The following GIGYF2 variants were observed in gnomAD, a reference collection of about 807,000 sequenced individuals.
GIGYF2 encodes GRB10 interacting GYF protein 2.
A neutral mutation model predicts 208.1 loss-of-function variants in GIGYF2; 25 were observed. That is an observed-to-expected ratio of 0.12 (90% CI 0.09 to 0.17). GIGYF2 has a LOEUF of 0.17. Among genes scored for constraint, GIGYF2 ranks in the 10% least tolerant of loss-of-function variants. The probability of loss-of-function intolerance (pLI) is 1.00; values close to 1 mark genes in which losing one functional copy is unlikely to be tolerated. For missense variants in GIGYF2, 1,302 were observed against 1,579.4 expected (o/e 0.82, Z 2.98); for synonymous variants, 534 against 543.8 (o/e 0.98, Z 0.25).
Position 232,812,418 on chromosome 2 carries a change from A to G in GIGYF2, c.2034A>G (p.Ser678=), listed in dbSNP as rs375775824. ...TATCTGATCAGAACATCATTCCCTC[A>G]GTAACTAGGTCTGTGTCCGTGCCAG... ...MRISDQNIIP[S]VTRSVSVPDT... The change falls in exon 18 of 29, where the codon TCA becomes TCG. Residue 678 remains serine, a synonymous_variant. Transcript: ENST00000373563. 2 of 1,500,094 alleles carry G rather than the reference A, an allele frequency of 1.3e-6. No homozygotes were observed. Among genetic ancestry groups the G allele is most frequent in the African/African-American group, 1.4e-5 (1 of 72,554 alleles). The allele number at this position is 1,500,094 out of a possible 1,614,324, so 92.9% of individuals were successfully genotyped here.
Position 232,705,664 on chromosome 2 carries a change from C to G in GIGYF2, c.-44+2175C>G, listed in dbSNP as rs527380246. 3 of 152,408 alleles carry G rather than the reference C, an allele frequency of 2.0e-5. No homozygotes were observed. The East Asian group carries it at 5.8e-4, about 29-fold the overall frequency. The allele number at this position is 152,408 out of a possible 1,614,324, so 9.4% of individuals were successfully genotyped here. On this transcript the variant is annotated intron_variant, in intron 2 of 28. Transcript: ENST00000373563. ...AGGTTATCCGCCCGCCTTGGCCTCC[C>G]AAAGTACTGGGATTACAGGCGTGAG...
intron 2 of GIGYF2, among the ~76,000 whole-genome samples, chr2:232,721,073 G>T (rs182327529): frequency 6.6e-6 from 1 of 152,338 alleles, no homozygotes; most frequent in East Asian, 1.9e-4. Flanking sequence ...TAATAGGGTG[G>T]TCTCAGAACT....
chr2:232,781,402 T>C (rs1699720551), intron 8 of GIGYF2, among the ~76,000 whole-genome samples: 1 of 122,182 alleles, frequency 8.2e-6, no homozygotes, highest in African/African-American at 3.1e-5. Context: ...GTAATCAATT[T>C]GGTTAGAAGG....
intron 22 of GIGYF2, among the ~76,000 whole-genome samples, chr2:232,836,687 G>A (rs1701649834): frequency 6.6e-6 from 1 of 151,714 alleles, no homozygotes; most frequent in Non-Finnish European, 1.5e-5. Flanking sequence ...TTGACTCCGG[G>A]AGGATTTCTT....
intron 1 of GIGYF2, among the ~76,000 whole-genome samples, chr2:232,702,461 TC>T (rs1312276967): frequency 4.0e-5 from 6 of 151,386 alleles, no homozygotes; most frequent in Admixed American, 6.6e-5. Flanking sequence ...AAAAACTCTA[TC>T]TGTCTCTATC....
intron 28 of GIGYF2, among the ~76,000 whole-genome samples, chr2:232,851,413 A>T (rs1401071550): frequency 2.7e-5 from 4 of 149,190 alleles, no homozygotes; most frequent in Non-Finnish European, 4.5e-5. Context: ...TGAAACTAAC[A>T]TTTTTTTTTT....
chr2:232,743,992 T>G (rs994375201), intron 3 of GIGYF2, among the ~76,000 whole-genome samples: 4 of 152,070 alleles, frequency 2.6e-5, no homozygotes, highest in Non-Finnish European at 5.9e-5. Context: ...ACTACAGGCG[T>G]GCACCACCAT....
chr2:232,842,731 C>A (rs952012930), intron 23 of GIGYF2, among the ~76,000 whole-genome samples: 1 of 152,078 alleles, frequency 6.6e-6, no homozygotes, highest in African/African-American at 2.4e-5. Flanking sequence ...GGGACCTCCA[C>A]CCCCACCCCC....
rs550603821 is a variant in GIGYF2, at chr2:232,761,545, C to T, written c.532+109C>T. ...AGCATTTCCTGCATTTAAACTTCCA[C>T]GGTTATTTGAAGTCTCTACTGCATG... On this transcript the variant is annotated intron_variant, in intron 8 of 28. Coordinates refer to ENST00000373563, the MANE Select transcript of GIGYF2 (RefSeq NM_001103146.3). 7.4e-4 allele frequency: 519 copies of T among 700,056 alleles called. 1 individual carries two copies. The highest frequency in any genetic ancestry group is 5.2e-4 in the Non-Finnish European group (199 of 380,754). The allele number at this position is 700,056 out of a possible 1,614,324, so 43.4% of individuals were successfully genotyped here.
intron 3 of GIGYF2, among the ~76,000 whole-genome samples, chr2:232,740,808 C>G (rs1048313781): frequency 2.6e-5 from 4 of 152,122 alleles, no homozygotes; most frequent in African/African-American, 7.2e-5. Flanking sequence ...GAGAGAAGTT[C>G]TGGAGGATGA....
Position 232,833,023 on chromosome 2 carries a change from GGCA to G in GIGYF2, c.2706_2708del (p.Gln903del), listed in dbSNP as rs745944590. 1.9e-6 allele frequency: 3 copies of G among 1,565,942 alleles called. No homozygotes were observed. The highest frequency in any genetic ancestry group is 1.9e-5 in the Admixed American group (1 of 52,900). ...CGGCAGAAGGAGTTAATGCGCCAGA[GGCA>G]GCAGCAGCAAGAGGCTCTCCGGAGG... On this transcript the variant is annotated inframe_deletion, in exon 22 of 29. Transcript: ENST00000373563.
chr2:232,848,586 T>A (rs998336060), intron 27 of GIGYF2, among the ~76,000 whole-genome samples: 1 of 152,042 alleles, frequency 6.6e-6, no homozygotes, highest in African/African-American at 2.4e-5. Flanking sequence ...TGAGCCAAGA[T>A]CACACCACTG....
chr2:232,764,828 T>G (rs1337357319), intron 8 of GIGYF2, among the ~76,000 whole-genome samples: 1 of 152,214 alleles, frequency 6.6e-6, no homozygotes, highest in Non-Finnish European at 1.5e-5. Context: ...TTTGGAATAG[T>G]CAAGTTTAGT....
intron 28 of GIGYF2, among the ~76,000 whole-genome samples, chr2:232,851,136 C>T (rs547826536): frequency 3.9e-5 from 6 of 152,142 alleles, no homozygotes; most frequent in Admixed American, 6.5e-5. Flanking sequence ...GCTGGGGTAA[C>T]GTAGCGAGAC....
chr2:232,791,254 C>T lies in GIGYF2; in HGVS notation c.1094-4C>T. On this transcript the variant is annotated splice_polypyrimidine_tract_variant and splice_region_variant and intron_variant, in intron 11 of 28. Transcript: ENST00000373563. Reference sequence around the variant, plus strand: ...AGTTCAACTAAGATTACTTCGTGTTCCAGAAGCTAGTGAGGAAACTCCCCA... The same window carrying T: ...AGTTCAACTAAGATTACTTCGTGTTTCAGAAGCTAGTGAGGAAACTCCCCA... 6.2e-7 allele frequency: 1 copy of T among 1,613,944 alleles called. No homozygotes were observed. Among genetic ancestry groups the T allele is most frequent in the Non-Finnish European group, 8.5e-7 (1 of 1,179,908 alleles).
At chr2:232,761,311 T>C in intron 7 of GIGYF2, 85 bp from the exon 8 acceptor site, 1 of 853,884 alleles carries the variant, frequency 1.2e-6, no homozygotes, top group South Asian at 1.4e-5. Flanking sequence ...AGAAATGCTT[T>C]TAGAAAAATG....
chr2:232,787,551 G>T (rs2106360666), intron 9 of GIGYF2, among the ~76,000 whole-genome samples: 1 of 152,252 alleles, frequency 6.6e-6, no homozygotes, highest in Admixed American at 6.5e-5. Context: ...GGGGCAAATA[G>T]TGTAGTTTAA....
At position 232,845,614 on chromosome 2, in the gene GIGYF2, A is replaced by C; in HGVS notation, c.3306-118A>C. The C allele has an allele frequency of 3.3e-6, 3 of 903,106 alleles. No individual in the cohort carries two copies. The South Asian group carries it at 4.1e-5, about 12-fold the overall frequency. The allele number at this position is 903,106 out of a possible 1,614,324, so 55.9% of individuals were successfully genotyped here. On this transcript the variant is annotated intron_variant, in intron 25 of 28. Coordinates refer to ENST00000373563, the MANE Select transcript of GIGYF2 (RefSeq NM_001103146.3). ...ATTTTTTTCTTTTTTGGAGCCAAGC[A>C]TTGGATTATTTACTGGGCATCCATC...
chr2:232,849,292 G>A (rs1216371371), intron 27 of GIGYF2, among the ~76,000 whole-genome samples: 2 of 152,054 alleles, frequency 1.3e-5, no homozygotes, highest in East Asian at 3.9e-4. Flanking sequence ...AGACTCCCGA[G>A]TAGCTGGGAC....
Sources: allele counts gnomAD v4.1 joint callset (sites outside exome capture counted in the v4.1 genomes callset), GRCh38; gene constraint gnomAD v4.1.1; transcripts MANE v1.5; gene names NCBI Gene and HGNC (gene_info 2026-07-23, HGNC 2026-07-21).